Variants in DLGAP1 observed in about 807,000 individuals in gnomAD.
DLGAP1 encodes disks large-associated protein 1.
In DLGAP1, 11 loss-of-function variants were observed where a neutral mutation model predicts 90.8. That is an observed-to-expected ratio of 0.12 (90% CI 0.08 to 0.20). The LOEUF (loss-of-function observed/expected upper bound fraction) is 0.20, where lower values mean the gene tolerates loss of function less well. Among genes scored for constraint, DLGAP1 ranks in the 10% least tolerant of loss-of-function variants. The pLI is 1.00. For synonymous variants in DLGAP1, 558 were observed against 540.7 expected (o/e 1.03, Z -0.44); for missense variants, 1,050 against 1,333.8 (o/e 0.79, Z 3.31).
At chr18:3,973,531 TC>T (rs527419551) in intron 3 of DLGAP1, among the ~76,000 whole-genome samples, 199 of 152,280 alleles carry the variant, frequency 1.3e-3, no homozygotes, top group African/African-American at 4.4e-3. Context: ...GCCAGGGACT[TC>T]CCTATTTCAC....
intron 10 of DLGAP1, among the ~76,000 whole-genome samples, chr18:3,532,448 A>G (rs1208470948): frequency 6.6e-6 from 1 of 151,952 alleles, no homozygotes. Flanking sequence ...GTGTGGTGGC[A>G]CATGCCTGTA....
At position 3,796,838 on chromosome 18, in the gene DLGAP1, C is replaced by T. The variant is rs116580436; in HGVS notation, c.1172+17221G>A. Among the ~76,000 whole-genome samples the T allele has an allele frequency of 9.8e-3, 1,492 of 152,266 alleles. 22 individuals carry two copies. The highest frequency in any genetic ancestry group is 0.033 in the African/African-American group (1,381 of 41,524). On this transcript the variant is annotated intron_variant, in intron 5 of 12. Transcript: ENST00000315677. ...TCTTCTTCATGGCTGAGGTGCATCA[C>T]GACCCTTCCATGAGCTATTATACTC...
intron 1 of DLGAP1, among the ~76,000 whole-genome samples, chr18:4,318,902 A>G (rs2080602212): frequency 1.3e-5 from 2 of 152,226 alleles, no homozygotes; most frequent in South Asian, 2.1e-4. Context: ...GTTGGATAGG[A>G]GGAATATGTT....
chr18:3,638,269 G>T (rs12326665), intron 7 of DLGAP1, among the ~76,000 whole-genome samples: 2 of 143,128 alleles, frequency 1.4e-5, no homozygotes. Flanking sequence ...TTTTTTTGAG[G>T]CAGTGTTTCA....
At chr18:4,400,581 G>T (rs1173637510) in intron 1 of DLGAP1, among the ~76,000 whole-genome samples, 4 of 152,098 alleles carry the variant, frequency 2.6e-5, no homozygotes, top group African/African-American at 9.7e-5. Flanking sequence ...GACATACACA[G>T]AATGTTCTTT....
chr18:3,500,444 G>A (rs563128500), intron 12 of DLGAP1, among the ~76,000 whole-genome samples: 8 of 152,002 alleles, frequency 5.3e-5, no homozygotes, highest in Non-Finnish European at 1.2e-4. Flanking sequence ...ATATAGTTTC[G>A]GTGATTCTCC....
At position 3,498,673 on chromosome 18, in the gene DLGAP1, G is replaced by C. The variant is rs1170536880; in HGVS notation, c.*512C>G. 1 of 152,552 alleles carries C rather than the reference G, an allele frequency of 6.6e-6. No homozygotes were observed. The highest frequency in any genetic ancestry group is 2.4e-5 in the African/African-American group (1 of 41,438). The allele number at this position is 152,552 out of a possible 1,614,324, so 9.4% of individuals were successfully genotyped here. A position where few individuals can be genotyped will look rare whatever the true frequency, so the allele number is the denominator to read the frequency against. On this transcript the variant is annotated 3_prime_UTR_variant, in exon 13 of 13. Coordinates refer to ENST00000315677, the MANE Select transcript of DLGAP1 (RefSeq NM_004746.4). ...GAGATGGTGTGATTTCTGAGGTTGG[G>C]AATAAAGTGCTCCATCTGCTTTTTT...
At chr18:3,741,103 T>TCACCAC (rs2062945809) in intron 6 of DLGAP1, among the ~76,000 whole-genome samples, 1 of 53,156 alleles carries the variant, frequency 1.9e-5, no homozygotes, top group Non-Finnish European at 3.4e-5. Context: ...ACCACCACCA[T>TCACCAC]CACCATCACC....
intron 1 of DLGAP1, among the ~76,000 whole-genome samples, chr18:4,362,119 T>G (rs1598284392): frequency 6.6e-6 from 1 of 152,188 alleles, no homozygotes; most frequent in African/African-American, 2.4e-5. Context: ...CTGGAACACT[T>G]GTACACTGTT....
chr18:3,660,802 G>A lies in DLGAP1; in HGVS notation c.1591+68333C>T, dbSNP rs1216551478. On this transcript the variant is annotated intron_variant, in intron 7 of 12. Coordinates refer to ENST00000315677, the MANE Select transcript of DLGAP1 (RefSeq NM_004746.4). This position sits in a 1 kb window ranked among gnomAD's most constrained non-coding sequence, Gnocchi z 4.2. ...ATTGGCTACTTGGAGACAAAATTAC[G>A]CCCTAAATGGACTTCAAGAAATATT... 6.6e-6 allele frequency among the ~76,000 whole-genome samples: 1 copy of A among 152,138 alleles called. No individual in the cohort carries two copies. Among genetic ancestry groups the A allele is most frequent in the Non-Finnish European group, 1.5e-5 (1 of 68,018 alleles).
At chr18:4,410,675 A>G (rs1045479346) in intron 1 of DLGAP1, among the ~76,000 whole-genome samples, 1 of 121,170 alleles carries the variant, frequency 8.3e-6, no homozygotes, top group African/African-American at 3.3e-5. Context: ...CAGACATACA[A>G]TTCCCCCCAA....
intron 2 of DLGAP1, among the ~76,000 whole-genome samples, chr18:4,126,767 A>C (rs557151344): frequency 6.6e-6 from 1 of 152,170 alleles, no homozygotes; most frequent in Non-Finnish European, 1.5e-5. Flanking sequence ...ATGGTGCTTC[A>C]AGATTTTTAT....
chr18:4,308,576 G>A (rs60777284), intron 1 of DLGAP1, among the ~76,000 whole-genome samples: 11,206 of 152,128 alleles, frequency 0.074, 1,128 homozygotes, highest in African/African-American at 0.22. Flanking sequence ...TCAGATATAG[G>A]AAAATCATAA....
rs868324726 is a variant in DLGAP1, at chr18:3,602,608, A to C, written c.1592-20360T>G. ...AGACTCCGTCCAAAAAAAAAAAAAA[A>C]AAAAAAAACAAAGAAACTTGTGTTG... On this transcript the variant is annotated intron_variant, in intron 7 of 12. Coordinates refer to ENST00000315677, the MANE Select transcript of DLGAP1 (RefSeq NM_004746.4). Among the ~76,000 whole-genome samples the C allele has an allele frequency of 1.6e-3, 250 of 151,614 alleles. 2 individuals carry two copies. Among genetic ancestry groups the C allele is most frequent in the Non-Finnish European group, 2.6e-3 (176 of 67,860 alleles).
At chr18:4,182,665 AG>A (rs1229078195) in intron 1 of DLGAP1, among the ~76,000 whole-genome samples, 3 of 152,020 alleles carry the variant, frequency 2.0e-5, no homozygotes, top group African/African-American at 7.2e-5. Context: ...CTCTTTTTAA[AG>A]TGTCTTTTGC....
intron 9 of DLGAP1, among the ~76,000 whole-genome samples, chr18:3,537,398 A>ACAT (rs1328352357): frequency 6.6e-6 from 1 of 152,202 alleles, no homozygotes; most frequent in Non-Finnish European, 1.5e-5. Flanking sequence ...ATTCAACAGA[A>ACAT]CATCTTCAAA....
chr18:4,120,868 A>G (rs777977141), intron 2 of DLGAP1, among the ~76,000 whole-genome samples: 1 of 151,952 alleles, frequency 6.6e-6, no homozygotes, highest in African/African-American at 2.4e-5. Context: ...ACAGTAGGCT[A>G]GGCACTTCGT....
chr18:3,889,748 C>G (rs1215426824), intron 3 of DLGAP1, among the ~76,000 whole-genome samples: 1 of 152,168 alleles, frequency 6.6e-6, no homozygotes, highest in Non-Finnish European at 1.5e-5. Flanking sequence ...TTTGGGAAAT[C>G]TAGGTGGGGA....
At chr18:4,185,956 C>T (rs2077286491) in intron 1 of DLGAP1, among the ~76,000 whole-genome samples, 1 of 152,108 alleles carries the variant, frequency 6.6e-6, no homozygotes. Context: ...TGTTTTTTGA[C>T]TTTTTAATAA....
Sources: gnomAD v4.1 joint callset for allele counts (sites outside exome capture counted in the v4.1 genomes callset) on GRCh38, gnomAD v4.1.1 for gene constraint, Gnocchi (gnomAD v3.1) non-coding constraint, MANE v1.5 for transcripts, NCBI Gene and HGNC (gene_info 2026-07-23, HGNC 2026-07-21) for gene names.